Variants in TTC28 observed in about 807,000 individuals in gnomAD.
The protein encoded by TTC28 is tetratricopeptide repeat domain 28.
A neutral mutation model predicts 198.0 loss-of-function variants in TTC28; 61 were observed. The observed-to-expected ratio is 0.31, with a 90% CI of 0.25 to 0.38. TTC28 has a LOEUF of 0.38. Ranked by LOEUF, TTC28 falls within the 10% of genes least tolerant of loss-of-function variation. The pLI is 1.00. For missense variants in TTC28, 2,678 were observed against 3,164.0 expected, an observed-to-expected ratio of 0.85 and a Z score of 3.69; for synonymous variants, 1,171 against 1,297.8, an observed-to-expected ratio of 0.90 and a Z score of 2.10.
At chr22:28,293,442 G>A (rs948910256) in intron 5 of TTC28, among the ~76,000 whole-genome samples, 1 of 152,074 alleles carries the variant, frequency 6.6e-6, no homozygotes, top group Non-Finnish European at 1.5e-5. Flanking sequence ...AGCAGAGCAT[G>A]GACAGAATGG....
intron 5 of TTC28, among the ~76,000 whole-genome samples, chr22:28,275,388 A>C (rs1230102558): frequency 6.6e-6 from 1 of 152,200 alleles, no homozygotes; most frequent in Admixed American, 6.5e-5. Context: ...CAATCTTAAT[A>C]ATTTGGTAGT....
At chr22:27,999,788 G>A (rs1172860749) in intron 15 of TTC28, 1 of 152,890 alleles carries the variant, frequency 6.5e-6, no homozygotes, top group Non-Finnish European at 1.5e-5. Context: ...ATGCTGCAAA[G>A]TAAAAAGTAT....
rs1343916990 is a variant in TTC28, at chr22:28,590,048, A to C, written c.381+39504T>G. Among the ~76,000 whole-genome samples, 143 of 81,348 alleles carry C rather than the reference A, an allele frequency of 1.8e-3. 1 individual carries two copies. Among genetic ancestry groups the C allele is most frequent in the African/African-American group, 2.7e-3 (93 of 35,036 alleles). 53.4% of individuals were successfully genotyped at this position (81,348 alleles called of 152,430 possible). A position where few individuals can be genotyped will look rare whatever the true frequency, so the allele number is the denominator to read the frequency against. On this transcript the variant is annotated intron_variant, in intron 2 of 22. Coordinates refer to ENST00000397906, the MANE Select transcript of TTC28 (RefSeq NM_001145418.2). ...CAAGACTCCATCAAAAAAAAAAAAAAAAAAAAAAAAAAAACACAGAAAACC... is the reference window on the plus strand; with the variant it reads ...CAAGACTCCATCAAAAAAAAAAAAACAAAAAAAAAAAAAACACAGAAAACC...
intron 2 of TTC28, among the ~76,000 whole-genome samples, chr22:28,379,801 TAAAA>T (rs761060948): frequency 5.3e-5 from 8 of 152,070 alleles, no homozygotes; most frequent in Non-Finnish European, 1.0e-4. Flanking sequence ...TGGAAATAAA[TAAAA>T]AGATTTTTTT....
chr22:28,293,623 T>C (rs764227189), intron 5 of TTC28, among the ~76,000 whole-genome samples: 11 of 152,084 alleles, frequency 7.2e-5, no homozygotes, highest in Non-Finnish European at 1.5e-4. Context: ...ATATGAAATG[T>C]TCCCCCCCTC....
At chr22:28,638,473 A>C (rs977001929) in intron 1 of TTC28, among the ~76,000 whole-genome samples, 1 of 152,152 alleles carries the variant, frequency 6.6e-6, no homozygotes, top group African/African-American at 2.4e-5. Context: ...AAAAAATTTT[A>C]ATGTCTGCAT....
intron 3 of TTC28, 45 bp from the exon 4 acceptor site, chr22:28,297,897 G>T (rs1047326076): frequency 6.5e-7 from 1 of 1,531,552 alleles, no homozygotes; most frequent in Admixed American, 2.1e-5. Context: ...GAGAATGTAG[G>T]ATGATACAAA....
intron 21 of TTC28, chr22:27,986,271 C>G (rs1937212190): frequency 6.6e-6 from 1 of 152,366 alleles, no homozygotes; most frequent in African/African-American, 2.4e-5. Flanking sequence ...GCTGTCTCTC[C>G]TGCCACCTTG....
chr22:28,421,157 T>G (rs893762639), intron 2 of TTC28, among the ~76,000 whole-genome samples: 10 of 152,202 alleles, frequency 6.6e-5, no homozygotes, highest in Non-Finnish European at 1.3e-4. Flanking sequence ...AGTATTTCTT[T>G]CTACCTCTTT....
chr22:28,523,021 AG>A (rs1239252843), intron 2 of TTC28, among the ~76,000 whole-genome samples: 1 of 152,236 alleles, frequency 6.6e-6, no homozygotes, highest in Non-Finnish European at 1.5e-5. Flanking sequence ...GTACTTTATA[AG>A]GGTAGACGTT....
At chr22:28,101,051 A>C in intron 9 of TTC28, 120 bp downstream of exon 9, 1 of 694,980 alleles carries the variant, frequency 1.4e-6, no homozygotes, top group Non-Finnish European at 2.3e-6. Flanking sequence ...AATCATACAC[A>C]TTAGCCCAAG....
chr22:28,588,079 T>G (rs1301022529), intron 2 of TTC28, among the ~76,000 whole-genome samples: 1 of 149,422 alleles, frequency 6.7e-6, no homozygotes, highest in African/African-American at 2.5e-5. Flanking sequence ...GAGGCAGAGC[T>G]GGAAGTGAGC....
At chr22:28,156,102 G>C (rs771555250) in intron 6 of TTC28, among the ~76,000 whole-genome samples, 21 of 152,218 alleles carry the variant, frequency 1.4e-4, no homozygotes, top group Non-Finnish European at 2.8e-4. Flanking sequence ...GGATGGTATG[G>C]CAGGCTGAAT....
chr22:28,453,662 CTCTCCCAACAAAA>C (rs1018572984), intron 2 of TTC28, among the ~76,000 whole-genome samples: 3 of 152,178 alleles, frequency 2.0e-5, no homozygotes, highest in Admixed American at 6.5e-5. Flanking sequence ...GTCCTCAGCT[CTCTCCCAACAAAA>C]TCTAATCCAA....
intron 5 of TTC28, among the ~76,000 whole-genome samples, chr22:28,215,314 A>T (rs1015859482): frequency 6.6e-6 from 1 of 152,218 alleles, no homozygotes; most frequent in Non-Finnish European, 1.5e-5. Flanking sequence ...ACTGGATCAG[A>T]TGGTCTGCAT....
intron 1 of TTC28, among the ~76,000 whole-genome samples, chr22:28,636,275 A>G (rs1324981342): frequency 6.6e-6 from 1 of 150,854 alleles, no homozygotes; most frequent in African/African-American, 2.4e-5. Flanking sequence ...ACAGGTGCCC[A>G]CCACCATGTC....
chr22:28,016,166 C>T (rs917762697), intron 13 of TTC28, among the ~76,000 whole-genome samples: 9 of 152,108 alleles, frequency 5.9e-5, no homozygotes, highest in African/African-American at 2.2e-4. Context: ...CCACTCACAT[C>T]CGCTCCCTGG....
At chr22:28,201,929 T>C (rs1211923812) in intron 5 of TTC28, among the ~76,000 whole-genome samples, 1 of 152,008 alleles carries the variant, frequency 6.6e-6, no homozygotes, top group Non-Finnish European at 1.5e-5. Flanking sequence ...TGAATGAAAT[T>C]AATATTTGTA....
At chr22:28,624,760 A>T (rs2051051679) in intron 2 of TTC28, among the ~76,000 whole-genome samples, 2 of 152,136 alleles carry the variant, frequency 1.3e-5, no homozygotes, top group Admixed American at 1.3e-4. Context: ...TCACTTCGAT[A>T]CCAAAACGAA....
Sources: gnomAD v4.1 joint callset for allele counts (sites outside exome capture counted in the v4.1 genomes callset) on GRCh38, gnomAD v4.1.1 for gene constraint, MANE v1.5 for transcripts, NCBI Gene and HGNC (gene_info 2026-07-23, HGNC 2026-07-21) for gene names.